Variants in SCAF4 observed in about 807,000 individuals in gnomAD.
SCAF4 encodes the protein SR-related CTD associated factor 4.
A neutral mutation model predicts 129.8 loss-of-function variants in SCAF4; 25 were observed. The observed-to-expected ratio is 0.19, with a 90% CI of 0.14 to 0.27. SCAF4 has a LOEUF of 0.27. Among genes scored for constraint, SCAF4 ranks in the 10% least tolerant of loss-of-function variants. The probability of loss-of-function intolerance (pLI) is 1.00; values close to 1 mark genes in which losing one functional copy is unlikely to be tolerated. For synonymous variants in SCAF4, 551 were observed against 497.7 expected (o/e 1.11, Z -1.43); for missense variants, 1,246 against 1,457.1 (o/e 0.86, Z 2.36).
rs1353918086 is a variant in SCAF4 at position 31,688,395 on chromosome 21, G to A, written c.1955C>T (p.Thr652Ile). The A allele has an allele frequency of 1.2e-6, 2 of 1,613,776 alleles. No individual in the cohort carries two copies. Among genetic ancestry groups the A allele is most frequent in the East Asian group, 2.2e-5 (1 of 44,866 alleles). ...AQNGGAETSH[T>I]EPVSPIPKPL... The stretch of plus-strand genomic sequence containing the variant: ...TTTAGGTATGGGTGATACTGGTTCT[G>A]TGTGTGAGGTTTCAGCACCTCCATT... Residue 652 changes from threonine to isoleucine, a missense_variant, in exon 16 of 20, where the codon ACA (threonine) becomes ATA (isoleucine). Coordinates refer to ENST00000286835, the MANE Select transcript of SCAF4 (RefSeq NM_020706.2).
At chr21:31,706,174 A>G in intron 2 of SCAF4, 100 bp downstream of exon 2, 1 of 763,530 alleles carries the variant, frequency 1.3e-6, no homozygotes, top group South Asian at 1.6e-5. Context: ...TCTTTGATTT[A>G]GGCCTGAACT....
chr21:31,688,721 T>C (rs2050188761), intron 15 of SCAF4, among the ~76,000 whole-genome samples: 1 of 152,218 alleles, frequency 6.6e-6, no homozygotes, highest in African/African-American at 2.4e-5. Flanking sequence ...AAGTAGATAC[T>C]ACTATTATTC....
In SCAF4 at chr21:31,731,667, T is replaced by C; in HGVS notation, c.26A>G (p.Gln9Arg). MDAVNAFN[Q>R]ELFSLMDMKP... ...CCTGCCCCAAACACCCCTTACCTCCTGGTTGAAGGCGTTGACGGCGTCCAT... is the reference window on the plus strand; with the variant it reads ...CCTGCCCCAAACACCCCTTACCTCCCGGTTGAAGGCGTTGACGGCGTCCAT... The change falls in exon 1 of 20, where the codon CAG becomes CGG. Residue 9 changes from glutamine (Q) to arginine (R), a missense_variant. This residue lies in a region of SCAF4 where 56 missense variants were observed against 139.4 expected (regional missense o/e 0.40). Coordinates refer to ENST00000286835, the MANE Select transcript of SCAF4 (RefSeq NM_020706.2). 6.3e-7 allele frequency: 1 copy of C among 1,585,332 alleles called. No individual in the cohort carries two copies. The highest frequency in any genetic ancestry group is 2.4e-5 in the East Asian group (1 of 41,564).
chr21:31,727,457 T>C (rs1199743653), intron 1 of SCAF4, among the ~76,000 whole-genome samples: 1 of 152,150 alleles, frequency 6.6e-6, no homozygotes. Flanking sequence ...CTTCAGGATT[T>C]AGGCAAGATG....
intron 2 of SCAF4, among the ~76,000 whole-genome samples, 180 bp from the exon 3 acceptor site, chr21:31,705,647 A>C (rs528084553): frequency 1.3e-5 from 2 of 152,222 alleles, no homozygotes; most frequent in African/African-American, 2.4e-5. Context: ...TAAACTAAAA[A>C]CAGAAAACTA....
chr21:31,717,906 C>CACATAT lies in SCAF4; in HGVS notation c.31-11550_31-11549insATATGT, dbSNP rs1432809680. 1.4e-4 allele frequency among the ~76,000 whole-genome samples: 6 copies of CACATAT among 44,130 alleles called. No individual in the cohort carries two copies. In the East Asian group the frequency reaches 4.7e-3, roughly 35 times the overall value. 29.0% of individuals were successfully genotyped at this position (44,130 alleles called of 152,430 possible). A position where few individuals can be genotyped will look rare whatever the true frequency, so the allele number is the denominator to read the frequency against. ...ATATACACATATATACACATATATA[C>CACATAT]ACACACACACACACACACACACACA... On this transcript the variant is annotated intron_variant, in intron 1 of 19. Transcript: ENST00000286835.
At chr21:31,730,243 CCCTGAAATGT>C (rs2051315450) in intron 1 of SCAF4, among the ~76,000 whole-genome samples, 1 of 152,222 alleles carries the variant, frequency 6.6e-6, no homozygotes, top group Non-Finnish European at 1.5e-5. Flanking sequence ...CAGCTTCCAA[CCCTGAAATGT>C]TTGGAGCATT....
chr21:31,716,531 C>T (rs1353167098), intron 1 of SCAF4, among the ~76,000 whole-genome samples: 1 of 152,118 alleles, frequency 6.6e-6, no homozygotes, highest in African/African-American at 2.4e-5. Flanking sequence ...TTAAATCCAA[C>T]ACAACTTTTA....
At position 31,689,417 on chromosome 21, in the gene SCAF4, C is replaced by T. The variant is rs187737081; in HGVS notation, c.1886-953G>A. Among the ~76,000 whole-genome samples, 510 of 151,296 alleles carry T rather than the reference C, an allele frequency of 3.4e-3. 3 individuals are homozygous for T. Among genetic ancestry groups the T allele is most frequent in the South Asian group, 6.3e-3 (30 of 4,770 alleles). On this transcript the variant is annotated intron_variant, in intron 15 of 19. Transcript: ENST00000286835. ...AGTTCCAGTGATTCTCCAGCCTCAG[C>T]GTTCCAAGTAGCTGGGATTACAGAC...
At chr21:31,726,927 A>G (rs1448083614) in intron 1 of SCAF4, among the ~76,000 whole-genome samples, 1 of 152,160 alleles carries the variant, frequency 6.6e-6, no homozygotes, top group African/African-American at 2.4e-5. Context: ...TTAATACTAA[A>G]TTATTTGATT....
chr21:31,694,877 T>C lies in SCAF4; in HGVS notation c.1172A>G (p.Gln391Arg). Residue 391 changes from glutamine (Q) to arginine (R), a missense_variant, in exon 10 of 20, where the codon CAG becomes CGG. By Grantham distance (43) the Gln-to-Arg change is conservative. Around this residue, in one of 6 missense-constraint regions of SCAF4, gnomAD observed 236 missense variants for 210.0 expected, o/e 1.12. Transcript: ENST00000286835. Reference sequence around the variant, plus strand: ...CTGAAAAGAAGCTTGGAAAGGCTGCTGCACTGGTGGAGTTGGAGGAATCAC... The same window carrying C: ...CTGAAAAGAAGCTTGGAAAGGCTGCCGCACTGGTGGAGTTGGAGGAATCAC... ...QPVIPPTPPV[Q>R]QPFQASFQAQ... 6.2e-7 allele frequency: 1 copy of C among 1,614,158 alleles called. No individual in the cohort carries two copies. The highest frequency in any genetic ancestry group is 8.5e-7 in the Non-Finnish European group (1 of 1,179,992).
In SCAF4 at chr21:31,702,254, G is replaced by C; in HGVS notation, c.447C>G (p.Thr149=). The C allele has an allele frequency of 6.2e-7, 1 of 1,613,858 alleles. No homozygotes were observed. The highest frequency in any genetic ancestry group is 1.7e-5 in the Admixed American group (1 of 59,992). The part of the protein sequence containing the change: ...SNAAPVAENV[T]NNEGSPPPPV... Reference sequence around the variant, plus strand: ...TACATCTGACCATACCTTCATTATTGGTAACATTTTCTGCTACTGGGGCTG... The same window carrying C: ...TACATCTGACCATACCTTCATTATTCGTAACATTTTCTGCTACTGGGGCTG... Residue 149 remains threonine, a synonymous_variant, in exon 5 of 20, where the codon ACC becomes ACG. Transcript: ENST00000286835.
intron 12 of SCAF4, 118 bp from the exon 13 acceptor site, chr21:31,692,567 T>G: frequency 1.6e-6 from 1 of 611,532 alleles, no homozygotes; most frequent in Non-Finnish European, 2.8e-6. Flanking sequence ...ACCACAAGTT[T>G]AAATAGTAAA....
At chr21:31,717,373 G>T (rs887500136) in intron 1 of SCAF4, among the ~76,000 whole-genome samples, 2 of 152,022 alleles carry the variant, frequency 1.3e-5, no homozygotes, top group African/African-American at 4.8e-5. Context: ...GAGAAAAAAA[G>T]ACAAAGGAAA....
intron 19 of SCAF4, among the ~76,000 whole-genome samples, chr21:31,683,339 C>T (rs957890904): frequency 3.3e-5 from 5 of 152,274 alleles, no homozygotes; most frequent in South Asian, 2.1e-4. Context: ...CCAAGCTCAC[C>T]GACTTCTCAT....
At chr21:31,683,639 G>A (rs886180777) in intron 19 of SCAF4, among the ~76,000 whole-genome samples, 9 of 151,920 alleles carry the variant, frequency 5.9e-5, no homozygotes, top group African/African-American at 2.2e-4. Context: ...ATAATCAAGG[G>A]TGTGTATGTG....
intron 2 of SCAF4, among the ~76,000 whole-genome samples, chr21:31,706,024 C>T (rs533926110): frequency 7.2e-5 from 11 of 152,282 alleles, no homozygotes; most frequent in South Asian, 2.1e-4. Flanking sequence ...GAGCTGAGAT[C>T]GCACCACTGC....
chr21:31,717,868 C>CACAT (rs1392678842), intron 1 of SCAF4, among the ~76,000 whole-genome samples: 1 of 121,026 alleles, frequency 8.3e-6, no homozygotes, highest in Non-Finnish European at 1.6e-5. Context: ...CACACACACA[C>CACAT]ACATATACAC....
Position 31,706,367 on chromosome 21 carries a change from C to T in SCAF4, c.31-10G>A, listed in dbSNP as rs774750042. 1 of 1,572,302 alleles carries T rather than the reference C, an allele frequency of 6.4e-7. No homozygotes were observed. Among genetic ancestry groups the T allele is most frequent in the Non-Finnish European group, 8.7e-7 (1 of 1,152,386 alleles). ...CCATAAGCGAAAAGAGCTTAAAAGA[C>T]AAAAAACAAACAAAAAGTAAAGTTT... is the stretch of plus-strand genomic sequence containing the variant. On this transcript the variant is annotated splice_polypyrimidine_tract_variant and intron_variant, in intron 1 of 19. Transcript: ENST00000286835.
Sources: allele counts gnomAD v4.1 joint callset (sites outside exome capture counted in the v4.1 genomes callset), GRCh38; gene constraint gnomAD v4.1.1; regional missense constraint gnomAD v4.1.1; transcripts MANE v1.5; gene names NCBI Gene and HGNC (gene_info 2026-07-23, HGNC 2026-07-21).